Variants in CMPK2 observed in about 807,000 individuals in gnomAD.
The protein encoded by CMPK2 is cytidine/uridine monophosphate kinase 2.
Under a neutral mutation model 33.4 loss-of-function variants are expected in CMPK2, and 32 were observed. That is an observed-to-expected ratio of 0.96 (90% confidence interval 0.72 to 1.29). CMPK2 has a LOEUF of 1.29. Among genes scored for constraint, CMPK2 ranks in the 50% most tolerant of loss-of-function variants. CMPK2 has a pLI of 0.00. For missense variants in CMPK2, 672 were observed against 616.0 expected (o/e 1.09, Z -0.96); for synonymous variants, 299 against 275.3 (o/e 1.09, Z -0.85).
chr2:6,859,594 G>A (rs190731660), intron 3 of CMPK2, among the ~76,000 whole-genome samples: 8 of 152,288 alleles, frequency 5.3e-5, no homozygotes, highest in East Asian at 1.9e-4. Context: ...CCCAAGCCTC[G>A]GCAGCTTCCA....
intron 3 of CMPK2, among the ~76,000 whole-genome samples, chr2:6,854,966 A>G (rs1662639926): frequency 6.6e-6 from 1 of 151,888 alleles, no homozygotes; most frequent in East Asian, 2.0e-4. Flanking sequence ...GACATAATGG[A>G]CCTCGAAAGT....
In CMPK2 at chr2:6,848,824, G is replaced by T. The variant is rs894371554; in HGVS notation, c.*1026C>A. On this transcript the variant is annotated 3_prime_UTR_variant, in exon 5 of 5. Transcript: ENST00000256722. ...TTTCTGTCTAAAGATATGTCAAAGCGATTTCATATGTAATCATGAGACATT... is the reference window on the plus strand; with the variant it reads ...TTTCTGTCTAAAGATATGTCAAAGCTATTTCATATGTAATCATGAGACATT... 3 of 985,682 alleles carry T rather than the reference G, an allele frequency of 3.0e-6. No homozygotes were observed. Among genetic ancestry groups the T allele is most frequent in the Non-Finnish European group, 3.6e-6 (3 of 829,878 alleles). The allele number at this position is 985,682 out of a possible 1,614,324, so 61.1% of individuals were successfully genotyped here.
At chr2:6,856,504 T>C (rs1455241304) in intron 3 of CMPK2, among the ~76,000 whole-genome samples, 1 of 152,234 alleles carries the variant, frequency 6.6e-6, no homozygotes, top group Non-Finnish European at 1.5e-5. Flanking sequence ...GAGATTTACA[T>C]TTATGATTAA....
upstream of CMPK2, chr2:6,866,510 C>T: frequency 1.0e-6 from 1 of 984,030 alleles, no homozygotes; most frequent in Non-Finnish European, 1.2e-6. Context: ...CAGATTGGCA[C>T]CTCGAAATCG....
In CMPK2 at chr2:6,849,938, C is replaced by T. The variant is rs185606099; in HGVS notation, c.1262G>A (p.Gly421Asp). The change falls in exon 5 of 5, where the codon GGC (glycine) becomes GAC (aspartate). Residue 421 changes from glycine to aspartate, a missense_variant. By Grantham distance (94) the Gly-to-Asp change is moderately conservative. Transcript: ENST00000256722. ...GGGGCTGGCATCAACCACATGGCAGCCAGGATTCTCCATCCGCTGGTAGGA... is the reference window on the plus strand; with the variant it reads ...GGGGCTGGCATCAACCACATGGCAGTCAGGATTCTCCATCCGCTGGTAGGA... Reference protein sequence around the residue: ...EMSYQRMENPGCHVVDASPSR... With the variant: ...EMSYQRMENPDCHVVDASPSR... The T allele has an allele frequency of 1.7e-3, 2,816 of 1,614,140 alleles. 9 individuals carry two copies. Among genetic ancestry groups the T allele is most frequent in the Middle Eastern group, 0.012 (71 of 6,060 alleles).
rs2103231551 is a variant in CMPK2 at position 6,865,852 on chromosome 2, G to A, written c.-156C>T. 1 of 1,321,958 alleles carries A rather than the reference G, an allele frequency of 7.6e-7. No homozygotes were observed. The highest frequency in any genetic ancestry group is 9.6e-7 in the Non-Finnish European group (1 of 1,038,844). The allele number at this position is 1,321,958 out of a possible 1,614,324, so 81.9% of individuals were successfully genotyped here. ...AACGAAAGCCGGAGGCCCAGGCGGGGCAGGAGCCCTGGGGCTGGGGCGCCC... is the reference window on the plus strand; with the variant it reads ...AACGAAAGCCGGAGGCCCAGGCGGGACAGGAGCCCTGGGGCTGGGGCGCCC... On this transcript the variant is annotated 5_prime_UTR_variant, in exon 1 of 5. Coordinates refer to ENST00000256722, the MANE Select transcript of CMPK2 (RefSeq NM_207315.4).
Position 6,865,332 on chromosome 2 carries a change from C to G in CMPK2, c.365G>C (p.Gly122Ala). Reference protein sequence around the residue: ...LLRLLCYCPGGQAGGAQQGFL... With the variant: ...LLRLLCYCPGAQAGGAQQGFL... Reference sequence around the variant, plus strand: ...GCCTTGCTGTGCGCCGCCGGCCTGGCCGCCCGGGCAGTAGCAGAGCAGCCT... The same window carrying G: ...GCCTTGCTGTGCGCCGCCGGCCTGGGCGCCCGGGCAGTAGCAGAGCAGCCT... Residue 122 changes from glycine to alanine, a missense_variant, in exon 1 of 5, where the codon GGC becomes GCC. Transcript: ENST00000256722. The G allele has an allele frequency of 6.7e-7, 1 of 1,489,330 alleles. No individual in the cohort carries two copies. Among genetic ancestry groups the G allele is most frequent in the Non-Finnish European group, 8.9e-7 (1 of 1,127,526 alleles). 92.3% of individuals were successfully genotyped at this position (1,489,330 alleles called of 1,614,324 possible).
chr2:6,864,430 G>A (rs903420813), intron 1 of CMPK2: 2 of 152,222 alleles, frequency 1.3e-5, no homozygotes, highest in African/African-American at 4.8e-5. Flanking sequence ...GTCACAGGAG[G>A]ACATCTGCCT....
Position 6,865,880 on chromosome 2 carries a change from C to T in CMPK2, c.-184G>A. Reference sequence around the variant, plus strand: ...GGAGCCCTGGGGCTGGGGCGCCCTTCCGGCCTCTCCTCCTCGCCGCGAGAT... The same window carrying T: ...GGAGCCCTGGGGCTGGGGCGCCCTTTCGGCCTCTCCTCCTCGCCGCGAGAT... On this transcript the variant is annotated 5_prime_UTR_variant, in exon 1 of 5. Coordinates refer to ENST00000256722, the MANE Select transcript of CMPK2 (RefSeq NM_207315.4). 1 of 1,393,738 alleles carries T rather than the reference C, an allele frequency of 7.2e-7. No individual in the cohort carries two copies. Among genetic ancestry groups the T allele is most frequent in the Non-Finnish European group, 9.3e-7 (1 of 1,075,570 alleles). 86.3% of individuals were successfully genotyped at this position (1,393,738 alleles called of 1,614,324 possible).
chr2:6,844,320 C>G (rs1483263706), downstream of CMPK2, among the ~76,000 whole-genome samples: 1 of 152,160 alleles, frequency 6.6e-6, no homozygotes, highest in Admixed American at 6.5e-5. Context: ...GGACCTATGG[C>G]CAGTTTCTGC....
At chr2:6,859,008 T>C (rs1483143747) in intron 3 of CMPK2, among the ~76,000 whole-genome samples, 1 of 152,222 alleles carries the variant, frequency 6.6e-6, no homozygotes, top group Non-Finnish European at 1.5e-5. Flanking sequence ...AAATCCAGGC[T>C]GAGGTGGTCT....
At chr2:6,851,944 C>T (rs1210279311) in intron 3 of CMPK2, among the ~76,000 whole-genome samples, 1 of 152,214 alleles carries the variant, frequency 6.6e-6, no homozygotes, top group African/African-American at 2.4e-5. Flanking sequence ...TTAGTGTGGC[C>T]TCCCCTCTGT....
In CMPK2 at chr2:6,865,665, G is replaced by T. The variant is rs939597499; in HGVS notation, c.32C>A (p.Pro11Gln). 3.0e-6 allele frequency: 4 copies of T among 1,311,696 alleles called. No homozygotes were observed. Among genetic ancestry groups the T allele is most frequent in the Non-Finnish European group, 3.9e-6 (4 of 1,038,460 alleles). The allele number at this position is 1,311,696 out of a possible 1,614,324, so 81.3% of individuals were successfully genotyped here. The change falls in exon 1 of 5, where the codon CCA (proline) becomes CAA (glutamine). Residue 11 changes from proline to glutamine, a missense_variant. Transcript: ENST00000256722. Reference protein sequence around the residue: MAFARRLLRGPLSGPLLGRRG... With the variant: MAFARRLLRGQLSGPLLGRRG... ...CCGCCCGAGCAGCGGCCCCGACAGT[G>T]GCCCGCGCAGGAGCCGGCGGGCGAA...
chr2:6,841,470 A>C (rs962793492), intron 3 of CMPK2, among the ~76,000 whole-genome samples: 7 of 152,118 alleles, frequency 4.6e-5, no homozygotes, highest in African/African-American at 1.7e-4. Flanking sequence ...CCTGAGAACA[A>C]CCTCTGGGCT....
chr2:6,864,891 C>G (rs1436120687), intron 1 of CMPK2, 131 bp downstream of exon 1: 17 of 1,276,306 alleles, frequency 1.3e-5, no homozygotes, highest in African/African-American at 9.4e-5. Flanking sequence ...CCTTCCCTAC[C>G]TGATTTGTGA....
chr2:6,851,402 C>T, intron 4 of CMPK2, 48 bp downstream of exon 4: 1 of 1,612,340 alleles, frequency 6.2e-7, no homozygotes, highest in Non-Finnish European at 8.5e-7. Context: ...GGTTCATCTC[C>T]CTTCAGGAAT....
chr2:6,865,564 A>G lies in CMPK2; in HGVS notation c.133T>C (p.Phe45Leu). 7.4e-7 allele frequency: 1 copy of G among 1,348,964 alleles called. No homozygotes were observed. The highest frequency in any genetic ancestry group is 9.5e-7 in the Non-Finnish European group (1 of 1,051,254). The allele number at this position is 1,348,964 out of a possible 1,614,324, so 83.6% of individuals were successfully genotyped here. A position where few individuals can be genotyped will look rare whatever the true frequency, so the allele number is the denominator to read the frequency against. ...LELPDCTLAH[F>L]ALGADAPGDA... Reference sequence around the variant, plus strand: ...CCGGGGGCGTCGGCGCCTAGGGCGAAGTGAGCCAGGGTGCAGTCGGGAAGC... The same window carrying G: ...CCGGGGGCGTCGGCGCCTAGGGCGAGGTGAGCCAGGGTGCAGTCGGGAAGC... Residue 45 changes from phenylalanine (F) to leucine (L), a missense_variant, in exon 1 of 5, where the codon TTC (phenylalanine) becomes CTC (leucine). Transcript: ENST00000256722.
chr2:6,851,231 C>T, intron 4 of CMPK2: 1 of 1,355,528 alleles, frequency 7.4e-7, no homozygotes, highest in South Asian at 1.5e-5. Context: ...GTGGCAGGGT[C>T]TGATCCCTAG....
downstream of CMPK2, among the ~76,000 whole-genome samples, chr2:6,844,528 C>T (rs192563404): frequency 3.2e-3 from 489 of 152,256 alleles, 1 homozygote; most frequent in Non-Finnish European, 4.0e-3. Context: ...GGTACTTGTC[C>T]TTCTCAAGCC....
Sources: allele counts gnomAD v4.1 joint callset (sites outside exome capture counted in the v4.1 genomes callset), GRCh38; gene constraint gnomAD v4.1.1; transcripts MANE v1.5; gene names NCBI Gene and HGNC (gene_info 2026-07-23, HGNC 2026-07-21).